The following STX8 variants were observed in gnomAD, a reference collection of about 807,000 sequenced individuals.
STX8 encodes syntaxin 8.
In STX8, 23 loss-of-function variants were observed where a neutral mutation model predicts 37.5. The ratio of observed to expected loss-of-function variants is 0.61; its 90% CI spans 0.44 to 0.87. STX8 has a LOEUF of 0.87. Ranked by LOEUF, STX8 falls within the 40% of genes least tolerant of loss-of-function variation. The pLI, the probability that STX8 is intolerant of heterozygous loss-of-function variation, is 0.00. For missense variants in STX8, 313 were observed against 284.7 expected (o/e 1.10, Z -0.71); for synonymous variants, 115 against 99.1 (o/e 1.16, Z -0.95).
chr17:9,321,558 C>T (rs1228598852), intron 7 of STX8, among the ~76,000 whole-genome samples: 2 of 151,996 alleles, frequency 1.3e-5, no homozygotes, highest in Non-Finnish European at 2.9e-5. Flanking sequence ...CTCCCCCTGT[C>T]GCCCAGGCTG....
intron 4 of STX8, among the ~76,000 whole-genome samples, chr17:9,527,039 C>T (rs1164868214): frequency 1.4e-5 from 2 of 143,404 alleles, no homozygotes; most frequent in South Asian, 2.3e-4. Context: ...ATTAGCCGGG[C>T]GCGGTGGCGG....
At chr17:9,296,052 C>T (rs1308326877) in intron 7 of STX8, among the ~76,000 whole-genome samples, 27 of 151,504 alleles carry the variant, frequency 1.8e-4, no homozygotes, top group African/African-American at 5.3e-4. Context: ...TAGCCGGGGG[C>T]GGTGGCGGGT....
rs773999650 is a variant in STX8 at position 9,505,085 on chromosome 17, C to A, written c.401G>T (p.Gly134Val). Residue 134 changes from glycine (G) to valine (V), a missense_variant, in exon 5 of 8, where the codon GGC becomes GTC. By Grantham distance (109) the Gly-to-Val change is moderately radical. Transcript: ENST00000306357. ...TTGCCGGATTTCATCAAAACCCAAG[C>A]CTCTGGTCTCCTCTGGCTCCTCAAA... is the stretch of plus-strand genomic sequence containing the variant. ...WLFEEPEETR[G>V]LGFDEIRQQQ... The A allele has an allele frequency of 3.7e-6, 6 of 1,613,040 alleles. No homozygotes were observed. Among genetic ancestry groups the A allele is most frequent in the Middle Eastern group, 3.3e-4 (2 of 6,082 alleles).
intron 7 of STX8, among the ~76,000 whole-genome samples, chr17:9,272,132 C>T (rs1391789641): frequency 1.3e-5 from 2 of 152,244 alleles, no homozygotes; most frequent in Non-Finnish European, 2.9e-5. Context: ...AAAGACGGTT[C>T]TGTTCTGAGG....
chr17:9,405,656 A>G (rs1912775837), intron 6 of STX8, among the ~76,000 whole-genome samples: 2 of 152,174 alleles, frequency 1.3e-5, no homozygotes, highest in Admixed American at 1.3e-4. Flanking sequence ...CCTTACTAGT[A>G]AATGTCATGT....
Position 9,378,544 on chromosome 17 carries a change from T to G in STX8, c.643+8A>C, listed in dbSNP as rs756017487. 12 of 1,611,530 alleles carry G rather than the reference T, an allele frequency of 7.4e-6. No individual in the cohort carries two copies. In the South Asian group the frequency reaches 1.3e-4, roughly 18 times the overall value. On this transcript the variant is annotated splice_region_variant and intron_variant, in intron 7 of 7. Transcript: ENST00000306357. ...CAGAAACAGAGCCATAACGTAGCTA[T>G]CTCTTACCACAAGAGGCTGACTTTC... is the stretch of plus-strand genomic sequence containing the variant.
At chr17:9,351,326 T>G (rs987560252) in intron 7 of STX8, among the ~76,000 whole-genome samples, 1 of 151,706 alleles carries the variant, frequency 6.6e-6, no homozygotes, top group Non-Finnish European at 1.5e-5. Context: ...CCTGGCTAAT[T>G]TTTTGTATTT....
At chr17:9,390,117 A>G (rs1597641911) in intron 6 of STX8, among the ~76,000 whole-genome samples, 3 of 152,284 alleles carry the variant, frequency 2.0e-5, no homozygotes, top group Admixed American at 2.0e-4. Flanking sequence ...CCTTGGCCAC[A>G]CTCGCTCACA....
At chr17:9,430,540 T>C (rs1913918956) in intron 6 of STX8, among the ~76,000 whole-genome samples, 1 of 152,058 alleles carries the variant, frequency 6.6e-6, no homozygotes, top group Non-Finnish European at 1.5e-5. Flanking sequence ...TAATCGCATA[T>C]ATCAAAACTT....
intron 4 of STX8, among the ~76,000 whole-genome samples, chr17:9,526,169 CG>C (rs1905561536): frequency 2.0e-5 from 3 of 151,768 alleles, no homozygotes; most frequent in East Asian, 1.9e-4. Flanking sequence ...TTCAAAAGTA[CG>C]AGAGACAAAG....
intron 7 of STX8, among the ~76,000 whole-genome samples, chr17:9,366,243 G>GT (rs555745856): frequency 6.6e-6 from 1 of 152,112 alleles, no homozygotes; most frequent in Non-Finnish European, 1.5e-5. Flanking sequence ...TTGTTTGTTT[G>GT]TTTTTTGAAA....
At chr17:9,324,120 T>A (rs1177128313) in intron 7 of STX8, among the ~76,000 whole-genome samples, 5 of 133,662 alleles carry the variant, frequency 3.7e-5, no homozygotes, top group African/African-American at 1.4e-4. Flanking sequence ...TCTCTCTCTC[T>A]CTCTCTCACA....
intron 6 of STX8, among the ~76,000 whole-genome samples, chr17:9,420,870 C>T (rs528003529): frequency 5.3e-5 from 8 of 152,272 alleles, no homozygotes; most frequent in East Asian, 1.9e-4. Context: ...GAATTGTGGA[C>T]GGTCATTTTC....
At chr17:9,407,955 C>T (rs1014887658) in intron 6 of STX8, among the ~76,000 whole-genome samples, 1 of 152,094 alleles carries the variant, frequency 6.6e-6, no homozygotes, top group East Asian at 1.9e-4. Flanking sequence ...GAGATTTTTA[C>T]AGATGCAAAT....
At position 9,507,015 on chromosome 17, in the gene STX8, C is replaced by T. The variant is rs1386539090; in HGVS notation, c.324-1853G>A. Among the ~76,000 whole-genome samples the T allele has an allele frequency of 1.3e-5, 2 of 151,974 alleles. No homozygotes were observed. Among genetic ancestry groups the T allele is most frequent in the Non-Finnish European group, 2.9e-5 (2 of 67,978 alleles). On this transcript the variant is annotated intron_variant, in intron 4 of 7. Transcript: ENST00000306357. This position sits in a 1 kb window ranked among gnomAD's most constrained non-coding sequence, Gnocchi z 4.0. ...CTGGTCCTGCAATGAAGGGAAACCA[C>T]CCTCTGCACTTTCAGCCACAGAAAC...
chr17:9,363,829 A>C (rs1294083773), intron 7 of STX8, among the ~76,000 whole-genome samples: 1 of 152,154 alleles, frequency 6.6e-6, no homozygotes, highest in Non-Finnish European at 1.5e-5. Flanking sequence ...CAGATTACAA[A>C]GAGTGTGGAG....
chr17:9,432,667 G>A (rs1203915054), intron 6 of STX8, among the ~76,000 whole-genome samples: 4 of 152,162 alleles, frequency 2.6e-5, no homozygotes, highest in African/African-American at 7.2e-5. Flanking sequence ...TTTTGGTTTC[G>A]AATGAGCAAG....
At chr17:9,514,901 A>T (rs994525072) in intron 4 of STX8, among the ~76,000 whole-genome samples, 16 of 152,218 alleles carry the variant, frequency 1.1e-4, no homozygotes, top group African/African-American at 3.4e-4. Context: ...GCTGTCCCAC[A>T]ATATGGAGTG....
intron 7 of STX8, among the ~76,000 whole-genome samples, chr17:9,334,493 C>G (rs1364287751): frequency 6.6e-6 from 1 of 152,098 alleles, no homozygotes; most frequent in Non-Finnish European, 1.5e-5. Flanking sequence ...AGGTTAGAGG[C>G]AAGATGGAGT....
Sources: gnomAD v4.1 joint callset for allele counts (sites outside exome capture counted in the v4.1 genomes callset) on GRCh38, gnomAD v4.1.1 for gene constraint, Gnocchi (gnomAD v3.1) non-coding constraint, MANE v1.5 for transcripts, NCBI Gene and HGNC (gene_info 2026-07-23, HGNC 2026-07-21) for gene names.